ATP6V0A2: variants seen among roughly 807,000 people sequenced by gnomAD.
The protein encoded by ATP6V0A2 is V-type proton ATPase 116 kDa subunit a 2.
Under a neutral mutation model 104.4 loss-of-function variants are expected in ATP6V0A2, and 58 were observed. The observed-to-expected ratio is 0.56, with a 90% confidence interval of 0.45 to 0.69. The LOEUF is 0.69. ATP6V0A2 is among the 30% of genes least tolerant of loss of function. The probability of loss-of-function intolerance (pLI) is 0.00; values close to 1 mark genes in which losing one functional copy is unlikely to be tolerated. For synonymous variants in ATP6V0A2, 376 were observed against 397.9 expected (o/e 0.95, Z 0.65); for missense variants, 938 against 1,062.9 (o/e 0.88, Z 1.63).
At position 123,747,615 on chromosome 12, in the gene ATP6V0A2, C is replaced by G; in HGVS notation, c.1614C>G (p.Asn538Lys). The change falls in exon 14 of 20, where the codon AAC (asparagine) becomes AAG (lysine). Residue 538 changes from asparagine (N) to lysine (K), a missense_variant. By Grantham distance (94) the Asn-to-Lys change is moderately conservative (BLOSUM62 0). Coordinates refer to ENST00000330342, the MANE Select transcript of ATP6V0A2 (RefSeq NM_012463.4). ...GTTTGGTTTGGTTTTAGATTTGGAA[C>G]TTGGCCACAAATCGCCTCACTTTTC... is the stretch of plus-strand genomic sequence containing the variant. ...PYPLGIDPIWNLATNRLTFLN... is the reference protein window; with the variant it reads ...PYPLGIDPIWKLATNRLTFLN... 1 of 1,609,798 alleles carries G rather than the reference C, an allele frequency of 6.2e-7. No homozygotes were observed. Among genetic ancestry groups the G allele is most frequent in the Non-Finnish European group, 8.5e-7 (1 of 1,176,062 alleles).
intron 14 of ATP6V0A2, among the ~76,000 whole-genome samples, chr12:123,748,328 T>G (rs911275471): frequency 1.3e-5 from 2 of 152,202 alleles, no homozygotes; most frequent in Non-Finnish European, 2.9e-5. Context: ...AGGAAATGTT[T>G]CTGAATAAGG....
At chr12:123,750,879 C>T in intron 15 of ATP6V0A2, 1 of 553,000 alleles carries the variant, frequency 1.8e-6, no homozygotes, top group Non-Finnish European at 3.2e-6. Flanking sequence ...CCTTGCTGGT[C>T]TAAAACAAAA....
intron 7 of ATP6V0A2, among the ~76,000 whole-genome samples, chr12:123,734,770 C>T (rs942340303): frequency 1.3e-5 from 2 of 152,160 alleles, no homozygotes; most frequent in East Asian, 1.9e-4. Flanking sequence ...TTTCTGTTTA[C>T]TAGAATTTGG....
chr12:123,746,200 T>C (rs1956660249), intron 13 of ATP6V0A2, among the ~76,000 whole-genome samples: 1 of 152,084 alleles, frequency 6.6e-6, no homozygotes, highest in Non-Finnish European at 1.5e-5. Flanking sequence ...AGTTTTTTTT[T>C]TGGGAGGCAT....
chr12:123,737,241 G>A lies in ATP6V0A2; in HGVS notation c.1008G>A (p.Gln336=). 6.2e-7 allele frequency: 1 copy of A among 1,614,168 alleles called. No homozygotes were observed. The highest frequency in any genetic ancestry group is 1.1e-5 in the South Asian group (1 of 91,072). ...TCTGGTGTCCCGAGGCGGATCTGCA[G>A]GACCTGCGCCGGGCACTGGAGGAGG... ...AEVWCPEADL[Q]DLRRALEEGS... The change falls in exon 9 of 20, where the codon CAG becomes CAA. Residue 336 remains glutamine, a synonymous_variant. Transcript: ENST00000330342.
At chr12:123,712,703 G>A (rs1365538536) in intron 1 of ATP6V0A2, 21 bp downstream of exon 1, 5 of 1,587,342 alleles carry the variant, frequency 3.1e-6, no homozygotes, top group Non-Finnish European at 4.3e-6. Context: ...CCCGGGAGAC[G>A]CGGGCCGCAC....
intron 18 of ATP6V0A2, among the ~76,000 whole-genome samples, chr12:123,755,441 CAGG>C (rs1375628430): frequency 6.7e-6 from 1 of 149,820 alleles, no homozygotes; most frequent in Non-Finnish European, 1.5e-5. Context: ...GAGGCTGAGG[CAGG>C]AGAATTGATT....
chr12:123,735,477 TGTTTA>T, intron 7 of ATP6V0A2, 49 bp from the exon 8 acceptor site: 1 of 1,515,662 alleles, frequency 6.6e-7, no homozygotes, highest in Non-Finnish European at 9.2e-7. Flanking sequence ...GAGGTGAACG[TGTTTA>T]GTTCTAGTGC....
At position 123,712,385 on chromosome 12, in the gene ATP6V0A2, A is replaced by C. The variant is rs1956300508; in HGVS notation, c.-181A>C. 2.8e-6 allele frequency: 1 copy of C among 361,732 alleles called. No individual in the cohort carries two copies. The highest frequency in any genetic ancestry group is 4.9e-6 in the Non-Finnish European group (1 of 205,408). 22.4% of individuals were successfully genotyped at this position (361,732 alleles called of 1,614,324 possible). On this transcript the variant is annotated 5_prime_UTR_variant, in exon 1 of 20. Coordinates refer to ENST00000330342, the MANE Select transcript of ATP6V0A2 (RefSeq NM_012463.4). ...CGCGGACTGCTGTGGCGGCAGCTGG[A>C]GCGGCGGCCGCGGTGGCAGAACCGG...
chr12:123,725,303 G>A (rs1956439002), intron 4 of ATP6V0A2, among the ~76,000 whole-genome samples: 1 of 152,112 alleles, frequency 6.6e-6, no homozygotes, highest in East Asian at 1.9e-4. Context: ...AAAGTTTTAA[G>A]AGCCATTTCC....
intron 9 of ATP6V0A2, among the ~76,000 whole-genome samples, chr12:123,742,879 C>T (rs1956623096): frequency 6.6e-6 from 1 of 151,690 alleles, no homozygotes; most frequent in Admixed American, 6.6e-5. Context: ...ATCTACTATT[C>T]TGTCAATAAC....
At chr12:123,736,992 C>A in intron 8 of ATP6V0A2, 67 bp from the exon 9 acceptor site, 2 of 1,474,758 alleles carry the variant, frequency 1.4e-6, no homozygotes, top group South Asian at 1.1e-5. Flanking sequence ...TAAGGGAAGT[C>A]GGGTGCCAGG....
intron 1 of ATP6V0A2, 105 bp from the exon 2 acceptor site, chr12:123,718,518 T>C (rs1956366391): frequency 1.3e-6 from 1 of 761,808 alleles, no homozygotes; most frequent in Non-Finnish European, 2.2e-6. Flanking sequence ...CATTCAATAG[T>C]ATACAAGAGT....
Position 123,749,078 on chromosome 12 carries a change from C to G in ATP6V0A2, c.1935+293C>G, listed in dbSNP as rs111955091. Among the ~76,000 whole-genome samples the G allele has an allele frequency of 4.9e-3, 747 of 152,222 alleles. 8 individuals are homozygous for G. Among genetic ancestry groups the G allele is most frequent in the African/African-American group, 0.016 (679 of 41,522 alleles). ...ACCAAGGCTGGCGGATTGCTTGAGC[C>G]CGTGAGTTCGAGACCAGCCTGGGCA... On this transcript the variant is annotated intron_variant, in intron 15 of 19. Transcript: ENST00000330342.
chr12:123,755,082 G>A (rs538424327), intron 18 of ATP6V0A2, among the ~76,000 whole-genome samples: 1 of 152,308 alleles, frequency 6.6e-6, no homozygotes, highest in African/African-American at 2.4e-5. Flanking sequence ...AGTCACCACA[G>A]TACCTAGCCG....
chr12:123,730,044 CTT>C (rs776847603), intron 6 of ATP6V0A2, among the ~76,000 whole-genome samples: 948 of 70,284 alleles, frequency 0.013, 18 homozygotes, highest in African/African-American at 0.055. Flanking sequence ...GGAGTTAGGT[CTT>C]TTTTTTTTTT....
chr12:123,722,213 G>A (rs1316049540), intron 2 of ATP6V0A2, 138 bp from the exon 3 acceptor site: 1 of 717,714 alleles, frequency 1.4e-6, no homozygotes, highest in East Asian at 2.7e-5. Context: ...CAGTAAGTCA[G>A]TTGGGACAAG....
chr12:123,735,303 G>A (rs1167369272), intron 7 of ATP6V0A2, among the ~76,000 whole-genome samples: 1 of 152,128 alleles, frequency 6.6e-6, no homozygotes, highest in East Asian at 1.9e-4. Flanking sequence ...ATTGAGGGCA[G>A]GAGTGGAATT....
chr12:123,717,446 C>CTTTTT, intron 1 of ATP6V0A2, among the ~76,000 whole-genome samples: 1 of 140,938 alleles, frequency 7.1e-6, no homozygotes, highest in Non-Finnish European at 1.5e-5. Flanking sequence ...TTCTTTCTTT[C>CTTTTT]TTTTTTTTTT....
Sources: gnomAD v4.1 joint callset for allele counts (sites outside exome capture counted in the v4.1 genomes callset) on GRCh38, gnomAD v4.1.1 for gene constraint, MANE v1.5 for transcripts, NCBI Gene and HGNC (gene_info 2026-07-23, HGNC 2026-07-21) for gene names.